The following CTNNA2 variants were observed in gnomAD, a reference collection of about 807,000 sequenced individuals.
The protein encoded by CTNNA2 is catenin alpha-2.
In CTNNA2, 42 loss-of-function variants were observed where a neutral mutation model predicts 101.0. That is an observed-to-expected ratio of 0.42 (90% CI 0.32 to 0.54). The LOEUF (loss-of-function observed/expected upper bound fraction) is 0.54. Ranked by LOEUF, CTNNA2 falls within the 20% of genes least tolerant of loss-of-function variation. CTNNA2 has a pLI of 0.14. For synonymous variants in CTNNA2, 450 were observed against 456.4 expected, an observed-to-expected ratio of 0.99 and a Z score of 0.18; for missense variants, 871 against 1,223.1, an observed-to-expected ratio of 0.71 and a Z score of 4.29.
chr2:80,593,626 C>T (rs561466047), intron 15 of CTNNA2, among the ~76,000 whole-genome samples: 1 of 152,282 alleles, frequency 6.6e-6, no homozygotes, highest in East Asian at 1.9e-4. Flanking sequence ...TCTTCCTCAA[C>T]AGATACTCTG....
In CTNNA2 at chr2:79,443,415, C is replaced by G. The variant is rs139922533; in HGVS notation, c.-134-61639C>G. On this transcript the variant is annotated intron_variant, in intron 4 of 21. Coordinates refer to the CTNNA2 transcript ENST00000466387. ...CTTCCTCCACTTTTTTTTTCTGGCT[C>G]TCAGCAATTGAATCTCAATGATGTC... is the stretch of plus-strand genomic sequence containing the variant. Among the ~76,000 whole-genome samples, 28 of 152,042 alleles carry G rather than the reference C, an allele frequency of 1.8e-4. No homozygotes were observed. In the East Asian group the frequency reaches 5.2e-3, roughly 28 times the overall value.
chr2:79,610,672 C>T (rs1038611537), intron 1 of CTNNA2, among the ~76,000 whole-genome samples: 4 of 151,978 alleles, frequency 2.6e-5, no homozygotes, highest in Admixed American at 2.0e-4. Flanking sequence ...TAACTTTTGA[C>T]AGAAAATGCA....
chr2:80,159,130 T>G (rs1704156535), intron 7 of CTNNA2, among the ~76,000 whole-genome samples: 1 of 152,232 alleles, frequency 6.6e-6, no homozygotes, highest in African/African-American at 2.4e-5. Flanking sequence ...AACACAAGAC[T>G]TCATTTCTCT....
intron 7 of CTNNA2, among the ~76,000 whole-genome samples, chr2:80,250,202 A>T (rs867603674): frequency 0.045 from 6,458 of 142,086 alleles, 188 homozygotes; most frequent in Non-Finnish European, 0.065. Flanking sequence ...AGAGAGAGAG[A>T]GAGTGTGTGT....
intron 7 of CTNNA2, among the ~76,000 whole-genome samples, chr2:80,150,674 G>C (rs968294611): frequency 6.6e-6 from 1 of 152,126 alleles, no homozygotes; most frequent in Admixed American, 6.5e-5. Context: ...TATGATTATT[G>C]TATTTAAATA....
At chr2:80,532,873 C>T (rs79072767) in intron 9 of CTNNA2, among the ~76,000 whole-genome samples, 2 of 151,896 alleles carry the variant, frequency 1.3e-5, no homozygotes, top group African/African-American at 2.4e-5. Flanking sequence ...TCTAGGTAAA[C>T]CAACAGCGAT....
intron 4 of CTNNA2, among the ~76,000 whole-genome samples, chr2:79,473,432 ACACACACAAATG>A (rs1558675875): frequency 1.3e-5 from 2 of 152,036 alleles, no homozygotes; most frequent in African/African-American, 4.8e-5. Context: ...TCTCACATGT[ACACACACAAATG>A]CACACACACA....
chr2:80,378,684 C>T (rs1191076443), intron 7 of CTNNA2: 1 of 152,162 alleles, frequency 6.6e-6, no homozygotes, highest in Non-Finnish European at 1.5e-5. Flanking sequence ...TTCCCCTCAG[C>T]TTATTCTGAG....
chr2:80,572,175 A>AT (rs765801394), intron 12 of CTNNA2, among the ~76,000 whole-genome samples: 9 of 152,304 alleles, frequency 5.9e-5, no homozygotes, highest in Non-Finnish European at 1.0e-4. Flanking sequence ...TAATATTATT[A>AT]TGCTTTAATT....
chr2:79,614,642 A>G (rs1573480842), intron 1 of CTNNA2, among the ~76,000 whole-genome samples: 1 of 152,172 alleles, frequency 6.6e-6, no homozygotes, highest in Non-Finnish European at 1.5e-5. Flanking sequence ...AAATAAAATG[A>G]TATTCTTATT....
Position 80,302,906 on chromosome 2 carries a change from G to T in CTNNA2, c.1057-90305G>T. The T allele has an allele frequency of 6.2e-7, 1 of 1,614,122 alleles. No homozygotes were observed. ...CCCGGCCAGGGTGATGCTTGTCAGG[G>T]ACTTCCAAGAGTTGAGGATCCGGGG... On this transcript the variant is annotated intron_variant, in intron 7 of 18. Transcript: ENST00000402739. This position sits in a 1 kb window ranked among gnomAD's most constrained non-coding sequence, Gnocchi z 6.4.
intron 7 of CTNNA2, among the ~76,000 whole-genome samples, chr2:80,080,651 A>G (rs17018593): frequency 0.35 from 53,014 of 151,912 alleles, 10,659 homozygotes; most frequent in East Asian, 0.55. Context: ...GCCTGTGTAC[A>G]CATATTTTAT....
chr2:79,690,100 T>G (rs1160263872), intron 2 of CTNNA2, among the ~76,000 whole-genome samples: 1 of 151,946 alleles, frequency 6.6e-6, no homozygotes, highest in Non-Finnish European at 1.5e-5. Flanking sequence ...ATTTAAGAAA[T>G]TCTAGGCACT....
intron 9 of CTNNA2, 71 bp from the exon 10 acceptor site, chr2:80,544,911 T>C: frequency 7.6e-7 from 1 of 1,323,580 alleles, no homozygotes; most frequent in Non-Finnish European, 1.1e-6. Flanking sequence ...CCAGAGAAGG[T>C]CCAAGGCGGA....
chr2:80,454,918 A>G lies in CTNNA2; in HGVS notation c.1290+35317A>G, dbSNP rs138302391. Among the ~76,000 whole-genome samples the G allele has an allele frequency of 8.4e-3, 1,276 of 152,352 alleles. 19 individuals carry two copies. Among genetic ancestry groups the G allele is most frequent in the African/African-American group, 0.029 (1,221 of 41,596 alleles). ...AGGCCCAGAGCCAAAGGTCAGAAGGAAAACAAGGAAGCTGTGAAATCATAT... is the reference window on the plus strand; with the variant it reads ...AGGCCCAGAGCCAAAGGTCAGAAGGGAAACAAGGAAGCTGTGAAATCATAT... On this transcript the variant is annotated intron_variant, in intron 9 of 18. Coordinates refer to ENST00000402739, the MANE Select transcript of CTNNA2 (RefSeq NM_001282597.3).
intron 3 of CTNNA2, among the ~76,000 whole-genome samples, chr2:79,814,825 CT>C (rs1213610124): frequency 6.6e-6 from 1 of 152,054 alleles, no homozygotes; most frequent in Non-Finnish European, 1.5e-5. Context: ...AATGGTAGTA[CT>C]TTTAGTTCTT....
intron 7 of CTNNA2, among the ~76,000 whole-genome samples, chr2:80,141,415 A>G (rs1703003072): frequency 6.6e-6 from 1 of 152,086 alleles, no homozygotes; most frequent in Non-Finnish European, 1.5e-5. Flanking sequence ...GGCTGAGATA[A>G]TCCACAAACT....
At chr2:79,591,452 A>T (rs1295571422) in intron 1 of CTNNA2, among the ~76,000 whole-genome samples, 1 of 115,000 alleles carries the variant, frequency 8.7e-6, no homozygotes, top group Non-Finnish European at 1.9e-5. Flanking sequence ...AGACTCATTC[A>T]TGAAGACTAA....
At chr2:80,568,988 G>A (rs1044500279) in intron 12 of CTNNA2, among the ~76,000 whole-genome samples, 3 of 152,146 alleles carry the variant, frequency 2.0e-5, no homozygotes, top group African/African-American at 7.2e-5. Flanking sequence ...ACTTAAAGCA[G>A]GGGTAAGGAC....
Sources: allele counts gnomAD v4.1 joint callset (sites outside exome capture counted in the v4.1 genomes callset), GRCh38; gene constraint gnomAD v4.1.1; non-coding constraint Gnocchi (gnomAD v3.1); transcripts MANE v1.5; gene names NCBI Gene and HGNC (gene_info 2026-07-23, HGNC 2026-07-21).